The following HSD11B2 variants were observed in gnomAD, a reference collection of about 807,000 sequenced individuals.
HSD11B2 encodes the protein 11-beta-hydroxysteroid dehydrogenase type 2.
HSD11B2 carries 17 observed loss-of-function variants against 20.9 expected under a neutral mutation model. That is an observed-to-expected ratio of 0.81 (90% confidence interval 0.56 to 1.22). The LOEUF (loss-of-function observed/expected upper bound fraction) is 1.22, where lower values mean the gene tolerates loss of function less well. Among genes scored for constraint, HSD11B2 ranks in the 50% most tolerant of loss-of-function variants. The pLI is 0.00. For missense variants in HSD11B2, 480 were observed against 563.6 expected, an observed-to-expected ratio of 0.85 and a Z score of 1.50; for synonymous variants, 253 against 255.4, an observed-to-expected ratio of 0.99 and a Z score of 0.09.
chr16:67,436,155 C>G lies in HSD11B2; in HGVS notation c.664+13C>G, dbSNP rs541201341. 212 of 1,613,634 alleles carry G rather than the reference C, an allele frequency of 1.3e-4. 4 individuals carry two copies. The South Asian group carries it at 2.2e-3, about 17-fold the overall frequency. Reference sequence around the variant, plus strand: ...GGGAGCCCAGCGGGTGAGTGCCCCCCCCCACTGGAGCAAAAAGGAGCCCCC... The same window carrying G: ...GGGAGCCCAGCGGGTGAGTGCCCCCGCCCACTGGAGCAAAAAGGAGCCCCC... On this transcript the variant is annotated intron_variant, in intron 3 of 4. Coordinates refer to ENST00000326152, the MANE Select transcript of HSD11B2 (RefSeq NM_000196.4). The surrounding 1 kb of genome is among the most constrained non-coding windows in gnomAD (Gnocchi z 5.7).
chr16:67,429,804 AT>A (rs2040916624), upstream of HSD11B2, among the ~76,000 whole-genome samples: 1 of 152,080 alleles, frequency 6.6e-6, no homozygotes, highest in South Asian at 2.1e-4. Flanking sequence ...CTCCCCTGAG[AT>A]TTCCCTGGCT....
At chr16:67,434,669 G>T (rs768843809) in intron 1 of HSD11B2, among the ~76,000 whole-genome samples, 1 of 152,100 alleles carries the variant, frequency 6.6e-6, no homozygotes, top group Non-Finnish European at 1.5e-5. Flanking sequence ...GATCACTTGA[G>T]CCCAGGAGTT....
intron 1 of HSD11B2, 46 bp from the exon 2 acceptor site, chr16:67,435,582 A>T: frequency 6.7e-7 from 1 of 1,492,728 alleles, no homozygotes; most frequent in Non-Finnish European, 9.3e-7. Flanking sequence ...GTCTCAGGCT[A>T]GGCTGGGCCA....
At position 67,436,139 on chromosome 16, in the gene HSD11B2, G is replaced by T. The variant is rs944363459; in HGVS notation, c.661G>T (p.Ala221Ser). ...RGRIVTVGSPAGDMPYPCLGA... is the reference protein window; with the variant it reads ...RGRIVTVGSPSGDMPYPCLGA... ...CCGCATCGTGACTGTGGGGAGCCCA[G>T]CGGGTGAGTGCCCCCCCCCACTGGA... The change falls in exon 3 of 5, where the codon GCG (alanine) becomes TCG (serine). Residue 221 changes from alanine (A) to serine (S), a missense_variant. Around this residue, in one of 2 missense-constraint regions of HSD11B2, gnomAD observed 374 missense variants for 480.9 expected, o/e 0.78. Coordinates refer to ENST00000326152, the MANE Select transcript of HSD11B2 (RefSeq NM_000196.4). This position sits in a 1 kb window ranked among gnomAD's most constrained non-coding sequence, Gnocchi z 5.7. 11 of 1,613,588 alleles carry T rather than the reference G, an allele frequency of 6.8e-6. No individual in the cohort carries two copies. Among genetic ancestry groups the T allele is most frequent in the African/African-American group, 1.3e-5 (1 of 74,908 alleles).
rs1597560308 is a variant in HSD11B2 at position 67,431,376 on chromosome 16, C to T, written c.128C>T (p.Ala43Val). 1.6e-6 allele frequency: 2 copies of T among 1,259,452 alleles called. No homozygotes were observed. Among genetic ancestry groups the T allele is most frequent in the Non-Finnish European group, 2.0e-6 (2 of 995,256 alleles). The allele number at this position is 1,259,452 out of a possible 1,614,324, so 78.0% of individuals were successfully genotyped here. ...PLLAALALLA[A>V]LDWLCQRLLP... is the part of the protein sequence containing the mutation. ...CTGGCGGCGCTGGCGCTGCTGGCCGCGCTCGACTGGCTGTGCCAGCGCCTG... is the reference window on the plus strand; with the variant it reads ...CTGGCGGCGCTGGCGCTGCTGGCCGTGCTCGACTGGCTGTGCCAGCGCCTG... The change falls in exon 1 of 5, where the codon GCG becomes GTG. Residue 43 changes from alanine (A) to valine (V), a missense_variant. This residue lies in a region of HSD11B2 where 106 missense variants were observed against 82.8 expected (regional missense o/e 1.28). Transcript: ENST00000326152.
chr16:67,433,917 G>C (rs555179846), intron 1 of HSD11B2, among the ~76,000 whole-genome samples: 6 of 151,940 alleles, frequency 3.9e-5, no homozygotes, highest in Non-Finnish European at 5.9e-5. Flanking sequence ...ATGGGGGTTG[G>C]GGGGCGGGGT....
At position 67,437,049 on chromosome 16, in the gene HSD11B2, T is replaced by C. The variant is rs1212454547; in HGVS notation, c.*46T>C. The C allele has an allele frequency of 1.3e-6, 2 of 1,587,060 alleles. No homozygotes were observed. Among genetic ancestry groups the C allele is most frequent in the Non-Finnish European group, 1.7e-6 (2 of 1,169,240 alleles). On this transcript the variant is annotated 3_prime_UTR_variant, in exon 5 of 5. Coordinates refer to ENST00000326152, the MANE Select transcript of HSD11B2 (RefSeq NM_000196.4). ...AGCCACTGCAGCACAGGAGGCTCCG[T>C]GAGCCCTTGGTTCCTCCCCGAAAAC...
At chr16:67,431,641 C>A in intron 1 of HSD11B2, 128 bp downstream of exon 1, 1 of 1,028,138 alleles carries the variant, frequency 9.7e-7, no homozygotes, top group Non-Finnish European at 1.2e-6. Context: ...GAGTTCTCCA[C>A]CCCTGGGTGC....
upstream of HSD11B2, chr16:67,431,112 G>A: frequency 3.4e-6 from 1 of 297,994 alleles, no homozygotes; most frequent in Non-Finnish European, 5.3e-6. Context: ...CGGCCCGAGG[G>A]CGAGCAGAGA....
chr16:67,433,174 GC>G (rs1377759828), intron 1 of HSD11B2: 1 of 152,180 alleles, frequency 6.6e-6, no homozygotes, highest in African/African-American at 2.4e-5. Context: ...CACCCAACCT[GC>G]CCTGTACAAG....
Position 67,437,105 on chromosome 16 carries a change from G to A in HSD11B2, c.*102G>A. 1 of 1,262,036 alleles carries A rather than the reference G, an allele frequency of 7.9e-7. No homozygotes were observed. The highest frequency in any genetic ancestry group is 1.1e-6 in the Non-Finnish European group (1 of 911,596). 78.2% of individuals were successfully genotyped at this position (1,262,036 alleles called of 1,614,324 possible). A position where few individuals can be genotyped will look rare whatever the true frequency, so the allele number is the denominator to read the frequency against. On this transcript the variant is annotated 3_prime_UTR_variant, in exon 5 of 5. Coordinates refer to ENST00000326152, the MANE Select transcript of HSD11B2 (RefSeq NM_000196.4). ...GCATTACGATCCCCCAAGTGTCCTG[G>A]ACCCTGGCCTAAAGAATCCCACCCC...
chr16:67,435,248 T>C (rs1405407697), intron 1 of HSD11B2, among the ~76,000 whole-genome samples: 1 of 150,486 alleles, frequency 6.6e-6, no homozygotes, highest in Non-Finnish European at 1.5e-5. Flanking sequence ...CTACTAATAC[T>C]GTGCCTGTGC....
At chr16:67,431,750 G>C (rs1372908770) in intron 1 of HSD11B2, among the ~76,000 whole-genome samples, 1 of 152,208 alleles carries the variant, frequency 6.6e-6, no homozygotes, top group Non-Finnish European at 1.5e-5. Context: ...GACAGGGAGT[G>C]GGCCGGTTCG....
chr16:67,430,216 C>T (rs1284817622), upstream of HSD11B2, among the ~76,000 whole-genome samples: 2 of 152,298 alleles, frequency 1.3e-5, no homozygotes, highest in East Asian at 3.9e-4. The surrounding 1 kb of genome is among the most constrained non-coding windows in gnomAD (Gnocchi z 5.4). Flanking sequence ...CACCCACACT[C>T]ATACCACTTA....
At position 67,431,268 on chromosome 16, in the gene HSD11B2, C is replaced by G. The variant is rs1393238231; in HGVS notation, c.20C>G (p.Pro7Arg). 7.9e-7 allele frequency: 1 copy of G among 1,262,552 alleles called. No individual in the cohort carries two copies. Among genetic ancestry groups the G allele is most frequent in the Non-Finnish European group, 1.0e-6 (1 of 993,712 alleles). 78.2% of individuals were successfully genotyped at this position (1,262,552 alleles called of 1,614,324 possible). Reference protein sequence around the residue: MERWPWPSGGAWLLVAA... With the variant: MERWPWRSGGAWLLVAA... ...GCCGCCATGGAGCGCTGGCCTTGGC[C>G]GTCGGGCGGCGCCTGGCTGCTCGTG... Residue 7 changes from proline to arginine, a missense_variant, in exon 1 of 5, where the codon CCG becomes CGG. Pro to Arg is a moderately radical substitution (Grantham distance 103). This residue lies in a region of HSD11B2 where 106 missense variants were observed against 82.8 expected (regional missense o/e 1.28). Transcript: ENST00000326152.
At position 67,431,298 on chromosome 16, in the gene HSD11B2, C is replaced by G; in HGVS notation, c.50C>G (p.Ala17Gly). ...PSGGAWLLVAARALLQLLRSD... is the reference protein window; with the variant it reads ...PSGGAWLLVAGRALLQLLRSD... ...GGCGGCGCCTGGCTGCTCGTGGCTG[C>G]CCGCGCGCTGCTGCAGCTGCTGCGC... The change falls in exon 1 of 5, where the codon GCC becomes GGC. Residue 17 changes from alanine to glycine, a missense_variant. Ala to Gly is a moderately conservative substitution (Grantham distance 60). Coordinates refer to ENST00000326152, the MANE Select transcript of HSD11B2 (RefSeq NM_000196.4). 7.9e-7 allele frequency: 1 copy of G among 1,264,660 alleles called. No homozygotes were observed. The highest frequency in any genetic ancestry group is 1.0e-6 in the Non-Finnish European group (1 of 994,942). 78.3% of individuals were successfully genotyped at this position (1,264,660 alleles called of 1,614,324 possible).
chr16:67,431,009 G>T, upstream of HSD11B2: 1 of 213,026 alleles, frequency 4.7e-6, no homozygotes, highest in Non-Finnish European at 9.3e-6. Flanking sequence ...CACCTGCCCT[G>T]CGGGGGGTGC....
chr16:67,436,522 A>C lies in HSD11B2; in HGVS notation c.803-66A>C, dbSNP rs2040975179. 6.3e-7 allele frequency: 1 copy of C among 1,596,470 alleles called. No homozygotes were observed. The highest frequency in any genetic ancestry group is 1.3e-5 in the African/African-American group (1 of 74,282). On this transcript the variant is annotated intron_variant, in intron 4 of 4. Coordinates refer to ENST00000326152, the MANE Select transcript of HSD11B2 (RefSeq NM_000196.4). The surrounding 1 kb of genome is among the most constrained non-coding windows in gnomAD (Gnocchi z 5.7). ...TTTGGCTGCAGACCTGGCGCGGGTT[A>C]AACAGTCCTAATTGGCTTTGGCTCC...
intron 1 of HSD11B2, 31 bp from the exon 2 acceptor site, chr16:67,435,597 G>A: frequency 6.3e-7 from 1 of 1,581,712 alleles, no homozygotes; most frequent in Non-Finnish European, 8.7e-7. Flanking sequence ...GGGCCACAGT[G>A]GAAGTTCACT....
Sources: allele counts gnomAD v4.1 joint callset (sites outside exome capture counted in the v4.1 genomes callset), GRCh38; gene constraint gnomAD v4.1.1; regional missense constraint gnomAD v4.1.1; non-coding constraint Gnocchi (gnomAD v3.1); transcripts MANE v1.5; gene names NCBI Gene and HGNC (gene_info 2026-07-23, HGNC 2026-07-21).